The following AFAP1L2 variants were observed in gnomAD, a reference collection of about 807,000 sequenced individuals.
AFAP1L2 encodes the protein actin filament-associated protein 1-like 2.
AFAP1L2 carries 46 observed loss-of-function variants against 99.3 expected under a neutral mutation model. The observed-to-expected ratio is 0.46, with a 90% CI of 0.37 to 0.59. AFAP1L2 has a LOEUF of 0.59. AFAP1L2 is among the 20% of genes least tolerant of loss of function. The pLI, the probability that AFAP1L2 is intolerant of heterozygous loss-of-function variation, is 0.00. For missense variants in AFAP1L2, 959 were observed against 1,034.9 expected, an observed-to-expected ratio of 0.93 and a Z score of 1.01; for synonymous variants, 397 against 419.1, an observed-to-expected ratio of 0.95 and a Z score of 0.64.
chr10:114,345,922 T>C (rs1049948777), intron 1 of AFAP1L2, among the ~76,000 whole-genome samples: 1 of 142,426 alleles, frequency 7.0e-6, no homozygotes, highest in Non-Finnish European at 1.5e-5. Flanking sequence ...CCGTGGTGCC[T>C]GCCCGATGTA....
Position 114,315,539 on chromosome 10 carries a change from G to C in AFAP1L2, c.612+21C>G, listed in dbSNP as rs1322838518. On this transcript the variant is annotated intron_variant, in intron 6 of 18. Transcript: ENST00000304129. ...CCCAAGGAGAGGAGTCGGGGGACAA[G>C]ACGACGTAAGGCAGACTGACCAGAA... 3 of 1,611,894 alleles carry C rather than the reference G, an allele frequency of 1.9e-6. No homozygotes were observed. The African/African-American group carries it at 4.0e-5, about 22-fold the overall frequency.
intron 1 of AFAP1L2, among the ~76,000 whole-genome samples, chr10:114,403,588 G>T (rs2058428856): frequency 6.6e-6 from 1 of 152,200 alleles, no homozygotes; most frequent in Non-Finnish European, 1.5e-5. Context: ...CGCCCGCAGG[G>T]TTCCTCTTAA....
intron 1 of AFAP1L2, among the ~76,000 whole-genome samples, chr10:114,362,220 C>T (rs1333496004): frequency 6.6e-6 from 1 of 152,166 alleles, no homozygotes; most frequent in Non-Finnish European, 1.5e-5. Context: ...CTATTCAATA[C>T]ATGTTATTAC....
intron 5 of AFAP1L2, chr10:114,319,589 C>T (rs865919351): frequency 3.1e-6 from 4 of 1,289,726 alleles, no homozygotes; most frequent in Non-Finnish European, 4.0e-6. Context: ...TAAATGACTC[C>T]TTCGGGCACC....
intron 6 of AFAP1L2, 38 bp downstream of exon 6, chr10:114,315,522 G>A (rs768734394): frequency 3.7e-6 from 6 of 1,601,402 alleles, no homozygotes; most frequent in South Asian, 1.1e-5. Flanking sequence ...TCCCCAAGGA[G>A]AGGAGTCGGG....
intron 5 of AFAP1L2, among the ~76,000 whole-genome samples, chr10:114,322,171 T>C (rs759671588): frequency 2.8e-4 from 42 of 152,346 alleles, no homozygotes; most frequent in Non-Finnish European, 3.4e-4. Flanking sequence ...TCTCCAACCA[T>C]GTGGAACTGT....
intron 2 of AFAP1L2, among the ~76,000 whole-genome samples, chr10:114,338,487 A>G (rs72826916): frequency 0.032 from 4,926 of 152,362 alleles, 124 homozygotes; most frequent in African/African-American, 0.059. Flanking sequence ...TTTTTCAAGA[A>G]TGTTCCTAGC....
intron 8 of AFAP1L2, 98 bp from the exon 9 acceptor site, chr10:114,308,615 T>G (rs2042768076): frequency 2.7e-6 from 3 of 1,097,808 alleles, no homozygotes; most frequent in Non-Finnish European, 4.0e-6. Context: ...CTTGGTTGTA[T>G]GCCAGAGGTC....
At chr10:114,349,559 A>AC (rs1169676535) in intron 1 of AFAP1L2, among the ~76,000 whole-genome samples, 1 of 149,768 alleles carries the variant, frequency 6.7e-6, no homozygotes, top group Non-Finnish European at 1.5e-5. Flanking sequence ...CGCTTGGAAA[A>AC]AAAAAAAAAA....
In AFAP1L2 at chr10:114,331,867, C is replaced by T. The variant is rs781507100; in HGVS notation, c.251G>A (p.Gly84Glu). 1 of 1,366,270 alleles carries T rather than the reference C, an allele frequency of 7.3e-7. No homozygotes were observed. Among genetic ancestry groups the T allele is most frequent in the Non-Finnish European group, 9.5e-7 (1 of 1,051,514 alleles). 84.6% of individuals were successfully genotyped at this position (1,366,270 alleles called of 1,614,324 possible). ...GGCCGAGGAGTGCTGGCTGGGCTCC[C>T]CATTGGGTAGCAGGCCCTGCTCCTC... ...APEEQGLLPN[G>E]EPSQHSSAPQ... Residue 84 changes from glycine to glutamate, a missense_variant, in exon 4 of 19, where the codon GGG (glycine) becomes GAG (glutamate). Physicochemically the swap from Gly to Glu is moderately conservative, Grantham distance 98. This residue lies in a region of AFAP1L2 where 383 missense variants were observed against 472.8 expected (regional missense o/e 0.81). Coordinates refer to ENST00000304129, the MANE Select transcript of AFAP1L2 (RefSeq NM_001001936.3).
downstream of AFAP1L2, chr10:114,294,744 G>C: frequency 1.2e-6 from 1 of 837,702 alleles, no homozygotes; most frequent in Non-Finnish European, 1.4e-6. Flanking sequence ...TTGTAGTTCA[G>C]TGTGTAAATA....
chr10:114,289,559 T>A, the AFAP1L2 span: 1 of 1,557,806 alleles, frequency 6.4e-7, no homozygotes, highest in East Asian at 2.3e-5. Context: ...TTCACATACA[T>A]CATGACGAGG....
intron 1 of AFAP1L2, among the ~76,000 whole-genome samples, chr10:114,383,235 A>G (rs1332659597): frequency 6.6e-6 from 1 of 152,136 alleles, no homozygotes; most frequent in African/African-American, 2.4e-5. Context: ...CCTGGCTCTG[A>G]GGGACTTCCT....
intron 18 of AFAP1L2, 38 bp from the exon 19 acceptor site, chr10:114,296,106 C>CA: frequency 6.2e-7 from 1 of 1,613,296 alleles, no homozygotes; most frequent in South Asian, 1.1e-5. Context: ...CACCCCCCAC[C>CA]AAAAAGATAG....
intron 7 of AFAP1L2, 56 bp downstream of exon 7, chr10:114,313,815 A>C (rs2043654917): frequency 6.6e-7 from 1 of 1,515,966 alleles, no homozygotes; most frequent in African/African-American, 1.4e-5. Flanking sequence ...TCCCTTTAGA[A>C]AAGCTGGGGG....
In AFAP1L2 at chr10:114,331,780, A is replaced by G. The variant is rs975529148; in HGVS notation, c.315+23T>C. 3.0e-6 allele frequency: 4 copies of G among 1,331,414 alleles called. No individual in the cohort carries two copies. In the East Asian group the frequency reaches 1.2e-4, roughly 41 times the overall value. 82.5% of individuals were successfully genotyped at this position (1,331,414 alleles called of 1,614,324 possible). On this transcript the variant is annotated intron_variant, in intron 4 of 18. Transcript: ENST00000304129. ...TCAAGGGGCTCACGTCAGGGAAATC[A>G]GGGGTCCTGAACTGATGCTTACCAT... is the stretch of plus-strand genomic sequence containing the variant.
chr10:114,291,368 G>A (rs959156537), downstream of AFAP1L2: 61 of 1,131,410 alleles, frequency 5.4e-5, no homozygotes, highest in Non-Finnish European at 6.1e-5. Context: ...TCTGCTTCCC[G>A]CCGTGGCCAG....
Position 114,377,683 on chromosome 10 carries a change from A to G in AFAP1L2, c.16+26757T>C, listed in dbSNP as rs1263182576. On this transcript the variant is annotated intron_variant, in intron 1 of 18. Transcript: ENST00000304129. This position sits in a 1 kb window ranked among gnomAD's most constrained non-coding sequence, Gnocchi z 4.0. ...TTATTTATTGAGCTGTCATACTTCA[A>G]GATACAAAAATGAGCAAGATGCATT... 4.6e-5 allele frequency among the ~76,000 whole-genome samples: 7 copies of G among 152,354 alleles called. No individual in the cohort carries two copies. The highest frequency in any genetic ancestry group is 1.7e-4 in the African/African-American group (7 of 41,574).
intron 4 of AFAP1L2, among the ~76,000 whole-genome samples, chr10:114,326,455 C>T (rs2046309480): frequency 6.6e-6 from 1 of 152,204 alleles, no homozygotes; most frequent in Non-Finnish European, 1.5e-5. Context: ...ACTGCCTCTT[C>T]TTTTTCCTTT....
Sources: allele counts gnomAD v4.1 joint callset (sites outside exome capture counted in the v4.1 genomes callset), GRCh38; gene constraint gnomAD v4.1.1; regional missense constraint gnomAD v4.1.1; non-coding constraint Gnocchi (gnomAD v3.1); transcripts MANE v1.5; gene names NCBI Gene and HGNC (gene_info 2026-07-23, HGNC 2026-07-21).